MGAT4C: variants seen among roughly 807,000 people sequenced by gnomAD.
MGAT4C encodes alpha-1,3-mannosyl-glycoprotein 4-beta-N-acetylglucosaminyltransferase C.
A neutral mutation model predicts 40.1 loss-of-function variants in MGAT4C; 19 were observed. The observed-to-expected ratio is 0.47, with a 90% CI of 0.33 to 0.70. The LOEUF (loss-of-function observed/expected upper bound fraction) is 0.70, where lower values mean the gene tolerates loss of function less well. MGAT4C is among the 30% of genes least tolerant of loss of function. MGAT4C has a pLI of 0.02. For synonymous variants in MGAT4C, 181 were observed against 187.1 expected, an observed-to-expected ratio of 0.97 and a Z score of 0.27; for missense variants, 491 against 563.2, an observed-to-expected ratio of 0.87 and a Z score of 1.30.
intron 2 of MGAT4C, among the ~76,000 whole-genome samples, chr12:86,701,438 C>T (rs529078041): frequency 4.6e-5 from 7 of 152,046 alleles, no homozygotes; most frequent in East Asian, 1.9e-4. Context: ...TTTTTGTAAT[C>T]GTTTTAGGGT....
chr12:86,597,384 C>A (rs891981746), intron 2 of MGAT4C, among the ~76,000 whole-genome samples: 1 of 152,084 alleles, frequency 6.6e-6, no homozygotes, highest in Non-Finnish European at 1.5e-5. Flanking sequence ...TAAAATTAAT[C>A]AGGGAAAAAG....
intron 1 of MGAT4C, among the ~76,000 whole-genome samples, chr12:86,210,599 A>G (rs1055378770): frequency 2.6e-5 from 4 of 152,224 alleles, no homozygotes; most frequent in African/African-American, 7.2e-5. Flanking sequence ...AGAAGCACTT[A>G]TGAAAGAGTT....
At chr12:86,791,834 A>G (rs1435638969) in intron 1 of MGAT4C, among the ~76,000 whole-genome samples, 3 of 152,162 alleles carry the variant, frequency 2.0e-5, no homozygotes, top group Non-Finnish European at 4.4e-5. Flanking sequence ...AAACATCCAG[A>G]TGGAATTTGC....
chr12:86,086,441 C>T (rs567279735), intron 1 of MGAT4C, among the ~76,000 whole-genome samples: 6 of 151,900 alleles, frequency 3.9e-5, no homozygotes, highest in South Asian at 2.1e-4. Flanking sequence ...ATGTAGATGA[C>T]GGGTTGAGGG....
chr12:86,068,553 ATATAAG>A (rs959882549), intron 1 of MGAT4C: 10 of 148,332 alleles, frequency 6.7e-5, no homozygotes, highest in African/African-American at 2.5e-4. Context: ...ATATAAATAT[ATATAAG>A]TATATTTATA....
At chr12:86,525,894 T>C (rs143774239) in intron 2 of MGAT4C, among the ~76,000 whole-genome samples, 1 of 152,344 alleles carries the variant, frequency 6.6e-6, no homozygotes, top group Non-Finnish European at 1.5e-5. Context: ...AAGGATTTCA[T>C]ACTGTAGTGA....
intron 3 of MGAT4C, among the ~76,000 whole-genome samples, chr12:86,399,125 C>T (rs1013039278): frequency 4.6e-5 from 7 of 151,902 alleles, no homozygotes; most frequent in Admixed American, 2.6e-4. Flanking sequence ...CACCCACCAC[C>T]GTGCCCGGCT....
intron 2 of MGAT4C, among the ~76,000 whole-genome samples, chr12:86,567,717 GGTCATCAATACCAGCTACA>G (rs1354368626): frequency 6.6e-6 from 1 of 152,112 alleles, no homozygotes; most frequent in South Asian, 2.1e-4. Flanking sequence ...AGAAGAAGGT[GGTCATCAATACCAGCTACA>G]ACCACGTGAC....
At chr12:86,080,463 C>T (rs925214564) in intron 1 of MGAT4C, among the ~76,000 whole-genome samples, 1 of 152,068 alleles carries the variant, frequency 6.6e-6, no homozygotes, top group African/African-American at 2.4e-5. Context: ...TCAAATAGAG[C>T]ATTTAAGAAA....
At chr12:86,407,699 T>G (rs891711244) in intron 3 of MGAT4C, among the ~76,000 whole-genome samples, 1 of 152,076 alleles carries the variant, frequency 6.6e-6, no homozygotes, top group African/African-American at 2.4e-5. Flanking sequence ...CTGTTTATTC[T>G]GTATGAATTT....
At chr12:86,647,300 A>G (rs1963567976) in intron 2 of MGAT4C, among the ~76,000 whole-genome samples, 2 of 152,062 alleles carry the variant, frequency 1.3e-5, no homozygotes, top group South Asian at 4.1e-4. Context: ...TACTTTGATT[A>G]TTGCATGTAT....
chr12:86,423,248 A>G (rs1337807371), intron 3 of MGAT4C, among the ~76,000 whole-genome samples: 1 of 152,026 alleles, frequency 6.6e-6, no homozygotes, highest in Admixed American at 6.6e-5. Context: ...CATCATACAG[A>G]CAGGGTGCAT....
At chr12:86,138,977 G>A (rs1162456633) in intron 1 of MGAT4C, among the ~76,000 whole-genome samples, 1 of 151,976 alleles carries the variant, frequency 6.6e-6, no homozygotes, top group Non-Finnish European at 1.5e-5. Flanking sequence ...CGTGTGAAAG[G>A]CCACAATGGA....
chr12:86,539,582 A>C (rs1206528441), intron 2 of MGAT4C, among the ~76,000 whole-genome samples: 2 of 152,172 alleles, frequency 1.3e-5, no homozygotes, highest in Non-Finnish European at 2.9e-5. Flanking sequence ...AGTTCTAGAT[A>C]CTTGAGGAAT....
intron 1 of MGAT4C, among the ~76,000 whole-genome samples, chr12:86,195,157 T>A (rs1487858025): frequency 6.6e-6 from 1 of 152,220 alleles, no homozygotes; most frequent in Admixed American, 6.5e-5. Context: ...CTTCTCAGTA[T>A]CTGGACCCTT....
At chr12:86,677,060 T>C (rs1364233098) in intron 2 of MGAT4C, among the ~76,000 whole-genome samples, 7 of 152,096 alleles carry the variant, frequency 4.6e-5, no homozygotes, top group Admixed American at 1.3e-4. Context: ...AGAAGCCAGA[T>C]TGCAGAGTGT....
chr12:86,268,688 CAT>C (rs1448791078), intron 4 of MGAT4C, among the ~76,000 whole-genome samples: 1 of 145,498 alleles, frequency 6.9e-6, no homozygotes, highest in African/African-American at 2.5e-5. Context: ...TACATATATA[CAT>C]ATATATACAC....
intron 3 of MGAT4C, among the ~76,000 whole-genome samples, chr12:86,385,354 T>G (rs1956030888): frequency 6.6e-6 from 1 of 152,212 alleles, no homozygotes; most frequent in Admixed American, 6.5e-5. Flanking sequence ...GCTCTTAAAT[T>G]GTAGCTTTCA....
At chr12:86,193,167 T>C (rs2135908741) in intron 1 of MGAT4C, among the ~76,000 whole-genome samples, 1 of 152,034 alleles carries the variant, frequency 6.6e-6, no homozygotes, top group Middle Eastern at 3.4e-3. Flanking sequence ...TATTTTTTCA[T>C]TGTTTCTATT....
Sources: gnomAD v4.1 joint callset for allele counts (sites outside exome capture counted in the v4.1 genomes callset) on GRCh38, gnomAD v4.1.1 for gene constraint, MANE v1.5 for transcripts, NCBI Gene and HGNC (gene_info 2026-07-23, HGNC 2026-07-21) for gene names.